The following TOP3A variants were observed in gnomAD, a reference collection of about 807,000 sequenced individuals.
TOP3A encodes DNA topoisomerase 3-alpha.
Under a neutral mutation model 111.3 loss-of-function variants are expected in TOP3A, and 64 were observed. The observed-to-expected ratio is 0.57, with a 90% CI of 0.47 to 0.71. The LOEUF (loss-of-function observed/expected upper bound fraction) is 0.71, where lower values mean the gene tolerates loss of function less well. TOP3A is among the 30% of genes least tolerant of loss of function. The pLI, the probability that TOP3A is intolerant of heterozygous loss-of-function variation, is 0.00. For synonymous variants in TOP3A, 484 were observed against 485.1 expected, an observed-to-expected ratio of 1.00 and a Z score of 0.03; for missense variants, 1,104 against 1,285.0, an observed-to-expected ratio of 0.86 and a Z score of 2.15.
chr17:18,305,486 A>ACACACGCGCGCG (rs1164323613), intron 4 of TOP3A, among the ~76,000 whole-genome samples: 212 of 149,502 alleles, frequency 1.4e-3, no homozygotes, highest in Middle Eastern at 0.014. Context: ...ACACACACAC[A>ACACACGCGCGCG]CGCGCGCGCG....
Position 18,302,251 on chromosome 17 carries a change from C to A in TOP3A, c.814+13G>T. 1 of 1,602,188 alleles carries A rather than the reference C, an allele frequency of 6.2e-7. No homozygotes were observed. The highest frequency in any genetic ancestry group is 8.5e-7 in the Non-Finnish European group (1 of 1,175,064). On this transcript the variant is annotated intron_variant, in intron 7 of 18. Transcript: ENST00000321105. ...CATAGGTCCCAGGCCATAACACCCA[C>A]TCCAGGCCCTACCTTTAATTCTGTG...
At chr17:18,293,341 A>G (rs1453328284) in intron 10 of TOP3A, among the ~76,000 whole-genome samples, 1 of 152,120 alleles carries the variant, frequency 6.6e-6, no homozygotes, top group African/African-American at 2.4e-5. Context: ...GCTGGAGTGT[A>G]GCAGCGCAAG....
At position 18,305,092 on chromosome 17, in the gene TOP3A, G is replaced by A. The variant is rs1307575903; in HGVS notation, c.499+20C>T. ...TGGAGTTCCAAAGTAGAGAAAGTCA[G>A]CAGCAGCAGCAGCACTTACCAGCCT... On this transcript the variant is annotated intron_variant, in intron 5 of 18. Coordinates refer to ENST00000321105, the MANE Select transcript of TOP3A (RefSeq NM_004618.5). The A allele has an allele frequency of 3.9e-6, 6 of 1,520,164 alleles. No homozygotes were observed. In the Admixed American group the frequency reaches 6.7e-5, roughly 17 times the overall value. 94.2% of individuals were successfully genotyped at this position (1,520,164 alleles called of 1,614,324 possible).
intron 16 of TOP3A, among the ~76,000 whole-genome samples, chr17:18,282,415 C>A (rs1396852442): frequency 6.6e-6 from 1 of 152,196 alleles, no homozygotes; most frequent in Non-Finnish European, 1.5e-5. Flanking sequence ...AGCTCATGCT[C>A]CTCCATGTGT....
chr17:18,310,742 T>G (rs1981860363), intron 1 of TOP3A, among the ~76,000 whole-genome samples: 1 of 152,178 alleles, frequency 6.6e-6, no homozygotes, highest in Admixed American at 6.6e-5. Flanking sequence ...CTGAACTATA[T>G]ACTTCAAAAT....
chr17:18,282,592 C>T, intron 16 of TOP3A, 106 bp downstream of exon 16: 2 of 1,515,280 alleles, frequency 1.3e-6, no homozygotes, highest in African/African-American at 1.4e-5. Flanking sequence ...CAACAACAGG[C>T]CTGTCTTGAA....
chr17:18,285,559 C>CAACAG (rs1439450506), intron 13 of TOP3A, 39 bp from the exon 14 acceptor site: 4 of 1,584,806 alleles, frequency 2.5e-6, no homozygotes, highest in Non-Finnish European at 3.5e-6. Context: ...GTAATACAGA[C>CAACAG]AACAGCTCCA....
chr17:18,277,952 G>A lies in TOP3A; in HGVS notation c.2550C>T (p.Asp850=), dbSNP rs140822628. 176 of 1,613,874 alleles carry A rather than the reference G, an allele frequency of 1.1e-4. No individual in the cohort carries two copies. The highest frequency in any genetic ancestry group is 1.4e-4 in the Non-Finnish European group (163 of 1,180,046). The change falls in exon 18 of 19, where the codon GAC becomes GAT. Residue 850 remains aspartate, a synonymous_variant. Transcript: ENST00000321105. ...GGSCNFFLWA[D]SPNPGAGGPP... ...GCCCTCCTGCTCCCGGATTGGGGCT[G>A]TCTGCCCACAGGAAGAAGTTGCAGC...
intron 10 of TOP3A, among the ~76,000 whole-genome samples, chr17:18,293,262 T>TA (rs1223741630): frequency 1.3e-5 from 2 of 152,250 alleles, no homozygotes; most frequent in African/African-American, 4.8e-5. Flanking sequence ...TGCTGTCCGA[T>TA]AAACTGTAAT....
Position 18,274,866 on chromosome 17 carries a change from G to A in TOP3A, c.2942C>T (p.Pro981Leu), listed in dbSNP as rs1267647679. The change falls in exon 19 of 19, where the codon CCC becomes CTC. Residue 981 changes from proline (P) to leucine (L), a missense_variant. By Grantham distance (98) the Pro-to-Leu change is moderately conservative. Transcript: ENST00000321105. The stretch of plus-strand genomic sequence containing the variant: ...CTGGTGGCAAAGGCTGCATTTCCGG[G>A]GTTTCTTTGCTGTGGACCCCATGTC... ...SSDMGSTAKK[P>L]RKCSLCHQPG... The A allele has an allele frequency of 5.6e-6, 9 of 1,614,174 alleles. No individual in the cohort carries two copies. In the East Asian group the frequency reaches 1.6e-4, roughly 28 times the overall value.
intron 13 of TOP3A, among the ~76,000 whole-genome samples, chr17:18,288,151 ATTTT>A (rs1295233051): frequency 4.8e-4 from 61 of 126,604 alleles, no homozygotes; most frequent in African/African-American, 1.7e-3. Flanking sequence ...ATATATATAA[ATTTT>A]TTTTTTTTTT....
At position 18,278,202 on chromosome 17, in the gene TOP3A, T is replaced by A; in HGVS notation, c.2300A>T (p.Gln767Leu). ...CATCCTGTTCAGGGACTGGTTAGCCTGCAGGCGGCCAGAGGGCTGGCTAGC... is the reference window on the plus strand; with the variant it reads ...CATCCTGTTCAGGGACTGGTTAGCCAGCAGGCGGCCAGAGGGCTGGCTAGC... ...PRASQPSGRL[Q>L]ANQSLNRMDN... Residue 767 changes from glutamine to leucine, a missense_variant, in exon 18 of 19, where the codon CAG becomes CTG. Physicochemically the swap from Gln to Leu is moderately radical, Grantham distance 113. Transcript: ENST00000321105. 6.2e-7 allele frequency: 1 copy of A among 1,605,496 alleles called. No homozygotes were observed. The highest frequency in any genetic ancestry group is 8.5e-7 in the Non-Finnish European group (1 of 1,173,298).
At chr17:18,302,189 T>C (rs1981272870) in intron 7 of TOP3A, 75 bp downstream of exon 7, 2 of 1,502,400 alleles carry the variant, frequency 1.3e-6, no homozygotes, top group Admixed American at 4.2e-5. Context: ...TTATTAGTGC[T>C]ATTAATGCTC....
Position 18,302,732 on chromosome 17 carries a change from C to T in TOP3A, c.500-9G>A, listed in dbSNP as rs770998187. The T allele has an allele frequency of 6.2e-7, 1 of 1,609,108 alleles. No individual in the cohort carries two copies. Among genetic ancestry groups the T allele is most frequent in the South Asian group, 1.1e-5 (1 of 90,944 alleles). The stretch of plus-strand genomic sequence containing the variant: ...CTGCAGATTGGGCTTTACTGCAGAA[C>T]ACAAGGTGTTACCAAGGTCAAAGTC... On this transcript the variant is annotated splice_polypyrimidine_tract_variant and intron_variant, in intron 5 of 18. Coordinates refer to ENST00000321105, the MANE Select transcript of TOP3A (RefSeq NM_004618.5).
intron 5 of TOP3A, 199 bp from the exon 6 acceptor site, chr17:18,302,922 G>T: frequency 3.6e-6 from 2 of 557,980 alleles, no homozygotes; most frequent in Non-Finnish European, 6.1e-6. Flanking sequence ...TAAACTGAGT[G>T]TACTGTCAGA....
At position 18,290,850 on chromosome 17, in the gene TOP3A, T is replaced by G. The variant is rs1229901127; in HGVS notation, c.1459A>C (p.Ser487Arg). 8 of 1,613,974 alleles carry G rather than the reference T, an allele frequency of 5.0e-6. No homozygotes were observed. Among genetic ancestry groups the G allele is most frequent in the African/African-American group, 1.3e-5 (1 of 74,898 alleles). ...GGACCACTCTTTATTACCTTGTCACTCCAGTGATCATATGGATACACATCC... is the reference window on the plus strand; with the variant it reads ...GGACCACTCTTTATTACCTTGTCACGCCAGTGATCATATGGATACACATCC... ...YLDVYPYDHW[S>R]DKILPVYEQG... The change falls in exon 12 of 19, where the codon AGT becomes CGT. Residue 487 changes from serine to arginine, a missense_variant. Physicochemically the swap from Ser to Arg is moderately radical, Grantham distance 110. Coordinates refer to ENST00000321105, the MANE Select transcript of TOP3A (RefSeq NM_004618.5).
chr17:18,292,608 A>G (rs1355303892), intron 11 of TOP3A, 37 bp downstream of exon 11: 3 of 1,498,890 alleles, frequency 2.0e-6, no homozygotes, highest in African/African-American at 1.4e-5. Context: ...GCACTTCCCT[A>G]TGGGTTCCAG....
At chr17:18,278,916 T>A (rs1255019376) in intron 17 of TOP3A, among the ~76,000 whole-genome samples, 2 of 152,178 alleles carry the variant, frequency 1.3e-5, no homozygotes. Context: ...AGTCAGAGGT[T>A]GCAGTGAGCC....
chr17:18,302,483 A>T, intron 6 of TOP3A, 49 bp from the exon 7 acceptor site: 1 of 1,593,772 alleles, frequency 6.3e-7, no homozygotes, highest in South Asian at 1.1e-5. Flanking sequence ...GGATAATGAG[A>T]GTCCAGGGCT....
Sources: gnomAD v4.1 joint callset for allele counts (sites outside exome capture counted in the v4.1 genomes callset) on GRCh38, gnomAD v4.1.1 for gene constraint, MANE v1.5 for transcripts, NCBI Gene and HGNC (gene_info 2026-07-23, HGNC 2026-07-21) for gene names.